DLG2: variants seen among roughly 807,000 people sequenced by gnomAD.
DLG2 encodes disks large homolog 2.
A neutral mutation model predicts 132.5 loss-of-function variants in DLG2; 45 were observed. The observed-to-expected ratio is 0.34, with a 90% CI of 0.27 to 0.44. The LOEUF is 0.44. DLG2 is among the 20% of genes least tolerant of loss of function. The pLI is 1.00. For synonymous variants in DLG2, 424 were observed against 419.6 expected (o/e 1.01, Z -0.13); for missense variants, 1,045 against 1,196.9 (o/e 0.87, Z 1.87).
intron 7 of DLG2, among the ~76,000 whole-genome samples, chr11:84,387,651 G>C (rs2098776238): frequency 6.6e-6 from 1 of 152,040 alleles, no homozygotes; most frequent in Non-Finnish European, 1.5e-5. Flanking sequence ...ATGCCACAAA[G>C]ATCAAATGTT....
chr11:83,965,496 G>T (rs1464036985), intron 12 of DLG2, 28 bp from the exon 13 acceptor site: 1 of 1,564,306 alleles, frequency 6.4e-7, no homozygotes, highest in Non-Finnish European at 8.7e-7. Context: ...ATCAATATTA[G>T]AGTTAAATCT....
chr11:84,026,550 A>G (rs1017596622), intron 11 of DLG2, among the ~76,000 whole-genome samples: 1 of 152,166 alleles, frequency 6.6e-6, no homozygotes, highest in Non-Finnish European at 1.5e-5. Flanking sequence ...TAGAATTATA[A>G]ATAAGTACTG....
intron 3 of DLG2, among the ~76,000 whole-genome samples, chr11:85,527,178 T>TA (rs1398990761): frequency 1.2e-4 from 11 of 93,416 alleles, no homozygotes; most frequent in Non-Finnish European, 2.0e-4. Context: ...ATGTTTTTAT[T>TA]TTTTTTTTTT....
At chr11:83,893,409 C>T (rs1024109124) in intron 15 of DLG2, among the ~76,000 whole-genome samples, 3 of 152,302 alleles carry the variant, frequency 2.0e-5, no homozygotes, top group African/African-American at 7.2e-5. Flanking sequence ...CTATCACTCC[C>T]TAACCTAGCC....
At chr11:84,171,747 G>A (rs1274862928) in intron 8 of DLG2, among the ~76,000 whole-genome samples, 1 of 152,110 alleles carries the variant, frequency 6.6e-6, no homozygotes, top group African/African-American at 2.4e-5. Context: ...CCAGTATTGG[G>A]ATTGCTGGGT....
intron 18 of DLG2, among the ~76,000 whole-genome samples, chr11:83,663,614 TTCA>T (rs1318182224): frequency 1.3e-5 from 2 of 152,186 alleles, no homozygotes; most frequent in Non-Finnish European, 2.9e-5. Context: ...TGAATGAAAG[TTCA>T]CTGGTTTTGT....
At chr11:84,648,093 G>A (rs1227855288) in intron 6 of DLG2, among the ~76,000 whole-genome samples, 1 of 152,158 alleles carries the variant, frequency 6.6e-6, no homozygotes, top group East Asian at 1.9e-4. Context: ...ACTAGATTAT[G>A]AACAAGATCT....
intron 6 of DLG2, among the ~76,000 whole-genome samples, chr11:85,071,563 G>C (rs936609712): frequency 6.6e-6 from 1 of 151,736 alleles, no homozygotes; most frequent in Non-Finnish European, 1.5e-5. Flanking sequence ...TACTTTCTCT[G>C]GAAATATGCA....
At chr11:83,749,605 C>A (rs1047756117) in intron 18 of DLG2, among the ~76,000 whole-genome samples, 11 of 152,168 alleles carry the variant, frequency 7.2e-5, no homozygotes, top group Admixed American at 3.3e-4. Context: ...AGCCTGCACC[C>A]CAGCTGTATG....
rs546317817 is a variant in DLG2, at chr11:84,815,435, A to G, written c.358-280704T>C. On this transcript the variant is annotated intron_variant, in intron 6 of 27. Coordinates refer to ENST00000376104, the MANE Select transcript of DLG2 (RefSeq NM_001142699.3). ...AATTACATGAAACGTTTCTGCTTCC[A>G]TCACCAACCTGGGGAATCTTTACCT... 9.0e-4 allele frequency among the ~76,000 whole-genome samples: 137 copies of G among 152,198 alleles called. 1 individual carries two copies. Among genetic ancestry groups the G allele is most frequent in the Admixed American group, 2.1e-3 (32 of 15,266 alleles).
chr11:85,196,456 G>T (rs185404419), intron 4 of DLG2, among the ~76,000 whole-genome samples: 2 of 152,246 alleles, frequency 1.3e-5, no homozygotes, highest in East Asian at 3.9e-4. Flanking sequence ...TTTCACAGCT[G>T]GTTCCTAGTG....
intron 21 of DLG2, among the ~76,000 whole-genome samples, chr11:83,527,538 T>C (rs946509721): frequency 3.4e-5 from 5 of 149,216 alleles, no homozygotes; most frequent in Non-Finnish European, 3.0e-5. Context: ...GAGAGAGACC[T>C]TGTCTCTACA....
intron 6 of DLG2, among the ~76,000 whole-genome samples, chr11:84,538,598 G>A (rs937287158): frequency 1.4e-5 from 2 of 146,194 alleles, no homozygotes; most frequent in Non-Finnish European, 3.0e-5. Context: ...TACTCCCTAT[G>A]TTTTTTTTTT....
intron 9 of DLG2, among the ~76,000 whole-genome samples, chr11:84,135,601 A>G (rs2094571745): frequency 1.3e-5 from 2 of 152,116 alleles, no homozygotes; most frequent in South Asian, 4.1e-4. Context: ...GGCATGGAGA[A>G]GGGCATTTGC....
intron 6 of DLG2, among the ~76,000 whole-genome samples, chr11:85,034,053 C>A (rs1037172298): frequency 2.6e-5 from 4 of 151,150 alleles, no homozygotes; most frequent in African/African-American, 9.7e-5. Context: ...TGGGGTCCAG[C>A]TAGTATTGTC....
chr11:84,277,844 G>GA (rs1029901720), intron 7 of DLG2, among the ~76,000 whole-genome samples: 156 of 152,240 alleles, frequency 1.0e-3, no homozygotes, highest in African/African-American at 3.5e-3. Context: ...GATGGAGGAA[G>GA]ATGACATCCC....
At chr11:83,682,943 C>T (rs1367062739) in intron 18 of DLG2, among the ~76,000 whole-genome samples, 2 of 152,150 alleles carry the variant, frequency 1.3e-5, no homozygotes, top group East Asian at 1.9e-4. Context: ...GTGATTTGAA[C>T]TTGAACCCAA....
chr11:84,334,268 C>G (rs2098474006), intron 7 of DLG2, among the ~76,000 whole-genome samples: 1 of 152,134 alleles, frequency 6.6e-6, no homozygotes, highest in Non-Finnish European at 1.5e-5. Context: ...AACTAATGCT[C>G]ATCTTTTTCC....
intron 6 of DLG2, among the ~76,000 whole-genome samples, chr11:84,958,539 A>G (rs1250202114): frequency 6.6e-6 from 1 of 152,190 alleles, no homozygotes; most frequent in East Asian, 1.9e-4. Flanking sequence ...TAAGCTAATA[A>G]GCTGTGATCT....
Sources: gnomAD v4.1 joint callset for allele counts (sites outside exome capture counted in the v4.1 genomes callset) on GRCh38, gnomAD v4.1.1 for gene constraint, MANE v1.5 for transcripts, NCBI Gene and HGNC (gene_info 2026-07-23, HGNC 2026-07-21) for gene names.